The following IQSEC3 variants were observed in gnomAD, a reference collection of about 807,000 sequenced individuals.
IQSEC3 encodes IQ motif and SEC7 domain-containing protein 3.
A neutral mutation model predicts 105.4 loss-of-function variants in IQSEC3; 50 were observed. The ratio of observed to expected loss-of-function variants is 0.47; its 90% CI spans 0.38 to 0.60. IQSEC3 has a LOEUF of 0.60. IQSEC3 is among the 20% of genes least tolerant of loss of function. The probability of loss-of-function intolerance (pLI) is 0.00; values close to 1 mark genes in which losing one functional copy is unlikely to be tolerated. For synonymous variants in IQSEC3, 708 were observed against 746.0 expected, an observed-to-expected ratio of 0.95 and a Z score of 0.83; for missense variants, 1,415 against 1,630.0, an observed-to-expected ratio of 0.87 and a Z score of 2.27.
At chr12:173,901 G>C (rs1052215690) in intron 13 of IQSEC3, among the ~76,000 whole-genome samples, 1 of 152,184 alleles carries the variant, frequency 6.6e-6, no homozygotes, top group Non-Finnish European at 1.5e-5. Context: ...CCGCCTTGGG[G>C]ATCAAGGTTA....
chr12:95,562 C>T (rs79713240), intron 1 of IQSEC3, among the ~76,000 whole-genome samples: 5,602 of 152,246 alleles, frequency 0.037, 243 homozygotes, highest in African/African-American at 0.11. Context: ...GCTTTTCCTT[C>T]TCTTTTTCCT....
chr12:111,301 G>A lies in IQSEC3; in HGVS notation c.623+12087G>A, dbSNP rs538264952. Among the ~76,000 whole-genome samples the A allele has an allele frequency of 1.1e-4, 17 of 152,266 alleles. No homozygotes were observed. In the South Asian group the frequency reaches 2.1e-3, roughly 19 times the overall value. On this transcript the variant is annotated intron_variant, in intron 2 of 13. Transcript: ENST00000538872. Reference sequence around the variant, plus strand: ...TCAGGCCAAAAGACCAAAGGTTGACGAATGGGCTTTTTGGGCCAGATAAAA... The same window carrying A: ...TCAGGCCAAAAGACCAAAGGTTGACAAATGGGCTTTTTGGGCCAGATAAAA...
chr12:173,590 T>A (rs1270626919), intron 13 of IQSEC3, among the ~76,000 whole-genome samples: 1 of 152,172 alleles, frequency 6.6e-6, no homozygotes, highest in Non-Finnish European at 1.5e-5. Context: ...CAGGTGGTGC[T>A]GCCCGAGGAC....
At chr12:85,011 C>T (rs1191986857) in intron 1 of IQSEC3, among the ~76,000 whole-genome samples, 5 of 152,148 alleles carry the variant, frequency 3.3e-5, no homozygotes, top group South Asian at 2.1e-4. Context: ...GTCAAACCTC[C>T]GTTAGCCTCA....
chr12:72,114 A>G (rs1371455000), intron 1 of IQSEC3, among the ~76,000 whole-genome samples: 2 of 152,078 alleles, frequency 1.3e-5, no homozygotes, highest in African/African-American at 4.8e-5. Flanking sequence ...CTCTTTCCTC[A>G]CTCCCAATCT....
At chr12:107,467 TGGCACAATCTC>T (rs2136935107) in intron 2 of IQSEC3, among the ~76,000 whole-genome samples, 1 of 134,898 alleles carries the variant, frequency 7.4e-6, no homozygotes, top group African/African-American at 2.8e-5. Context: ...TGGGGTGCAG[TGGCACAATCTC>T]GGCTCACTGC....
chr12:109,766 C>G (rs1864816200), intron 2 of IQSEC3, among the ~76,000 whole-genome samples: 1 of 152,164 alleles, frequency 6.6e-6, no homozygotes, highest in South Asian at 2.1e-4. Flanking sequence ...CTCTTTCTTC[C>G]TTTTGCATTA....
In IQSEC3 at chr12:138,517, C is replaced by T. The variant is rs146894404; in HGVS notation, c.1154C>T (p.Pro385Leu). The change falls in exon 4 of 14, where the codon CCC (proline) becomes CTC (leucine). Residue 385 changes from proline (P) to leucine (L), a missense_variant. By Grantham distance (98) the Pro-to-Leu change is moderately conservative. This residue lies in a region of IQSEC3 where 720 missense variants were observed against 633.0 expected (regional missense o/e 1.14). Coordinates refer to ENST00000538872, the MANE Select transcript of IQSEC3 (RefSeq NM_001170738.2). The surrounding 1 kb of genome is among the most constrained non-coding windows in gnomAD (Gnocchi z 7.1). ...GLVGLPLVRS[P>L]SLPPTFAGTL... is the part of the protein sequence containing the mutation. ...GTGGGGCTGCCGCTGGTGCGCTCGC[C>T]CTCCCTGCCGCCCACCTTCGCAGGC... 7.0e-6 allele frequency: 11 copies of T among 1,579,864 alleles called. No homozygotes were observed. Among genetic ancestry groups the T allele is most frequent in the South Asian group, 1.1e-5 (1 of 88,244 alleles).
intron 13 of IQSEC3, among the ~76,000 whole-genome samples, chr12:172,869 G>C (rs967099077): frequency 6.6e-6 from 1 of 152,182 alleles, no homozygotes; most frequent in African/African-American, 2.4e-5. Flanking sequence ...GGGATGCAGT[G>C]GGGGGACCAG....
At chr12:91,124 G>T (rs1864070901) in intron 1 of IQSEC3, among the ~76,000 whole-genome samples, 1 of 152,136 alleles carries the variant, frequency 6.6e-6, no homozygotes, top group Admixed American at 6.5e-5. Flanking sequence ...AAGGGAGGGG[G>T]ATCCTCCTTC....
chr12:141,624 T>C (rs929886601), intron 5 of IQSEC3: 10 of 267,650 alleles, frequency 3.7e-5, no homozygotes, highest in Admixed American at 1.5e-4. Flanking sequence ...AGCACTGGGG[T>C]TCATCTCTGC....
intron 1 of IQSEC3, among the ~76,000 whole-genome samples, chr12:75,296 G>A (rs1555068714): frequency 6.6e-6 from 1 of 152,274 alleles, no homozygotes; most frequent in Non-Finnish European, 1.5e-5. Context: ...GCTCATGAGG[G>A]AGGCAGATCA....
At chr12:70,426 T>G (rs1431877432) in intron 1 of IQSEC3, among the ~76,000 whole-genome samples, 1 of 152,276 alleles carries the variant, frequency 6.6e-6, no homozygotes, top group African/African-American at 2.4e-5. Context: ...AATGCAGAGA[T>G]ATTATGGAAG....
intron 2 of IQSEC3, among the ~76,000 whole-genome samples, chr12:112,301 G>A (rs1282784560): frequency 4.1e-5 from 5 of 123,028 alleles, no homozygotes; most frequent in African/African-American, 1.5e-4. Context: ...GAAGTGGGGG[G>A]AAGGGGGATG....
At chr12:126,677 G>A (rs377221122) in intron 3 of IQSEC3, among the ~76,000 whole-genome samples, 2 of 152,284 alleles carry the variant, frequency 1.3e-5, no homozygotes, top group South Asian at 2.1e-4. Flanking sequence ...TATGAACTCA[G>A]TGACTTTGGG....
Position 138,759 on chromosome 12 carries a change from G to A in IQSEC3, c.1396G>A (p.Asp466Asn), listed in dbSNP as rs1555087646. 6.4e-7 allele frequency: 1 copy of A among 1,560,728 alleles called. No individual in the cohort carries two copies. The highest frequency in any genetic ancestry group is 2.4e-5 in the East Asian group (1 of 42,284). Residue 466 changes from aspartate to asparagine, a missense_variant, in exon 4 of 14, where the codon GAC becomes AAC. Physicochemically the swap from Asp to Asn is conservative, Grantham distance 23. Coordinates refer to ENST00000538872, the MANE Select transcript of IQSEC3 (RefSeq NM_001170738.2). This position sits in a 1 kb window ranked among gnomAD's most constrained non-coding sequence, Gnocchi z 7.1. ...GAGCGCGGGCCCCGGGCCCGGGGATGACGCCGCGGAGACCCCCGGCCTGCC... is the reference window on the plus strand; with the variant it reads ...GAGCGCGGGCCCCGGGCCCGGGGATAACGCCGCGGAGACCCCCGGCCTGCC... Reference protein sequence around the residue: ...PESAGPGPGDDAAETPGLPPA... With the variant: ...PESAGPGPGDNAAETPGLPPA...
chr12:84,974 G>T (rs782808341), intron 1 of IQSEC3, among the ~76,000 whole-genome samples: 8 of 152,218 alleles, frequency 5.3e-5, no homozygotes, highest in Admixed American at 3.3e-4. Flanking sequence ...AGCAAAAAAA[G>T]TCAGAGCTGT....
At chr12:134,352 T>C (rs1865689810) in intron 3 of IQSEC3, among the ~76,000 whole-genome samples, 1 of 152,218 alleles carries the variant, frequency 6.6e-6, no homozygotes, top group East Asian at 1.9e-4. Context: ...CTGGTTTTCT[T>C]TCCTGCTTGG....
At chr12:85,673 G>T (rs1200734255) in intron 1 of IQSEC3, among the ~76,000 whole-genome samples, 2 of 152,336 alleles carry the variant, frequency 1.3e-5, no homozygotes, top group East Asian at 1.9e-4. Context: ...GCATGCTCAA[G>T]TTACAGCCTG....
Sources: gnomAD v4.1 joint callset for allele counts (sites outside exome capture counted in the v4.1 genomes callset) on GRCh38, gnomAD v4.1.1 for gene constraint, gnomAD v4.1.1 regional missense constraint, Gnocchi (gnomAD v3.1) non-coding constraint, MANE v1.5 for transcripts, NCBI Gene and HGNC (gene_info 2026-07-23, HGNC 2026-07-21) for gene names.